The following RNF111 variants were observed in gnomAD, a reference collection of about 807,000 sequenced individuals.
The protein encoded by RNF111 is ring finger protein 111.
In RNF111, 17 loss-of-function variants were observed where a neutral mutation model predicts 95.1. The observed-to-expected ratio is 0.18, with a 90% CI of 0.12 to 0.27. RNF111 has a LOEUF of 0.27. Ranked by LOEUF, RNF111 falls within the 10% of genes least tolerant of loss-of-function variation. The pLI is 1.00. For missense variants in RNF111, 1,189 were observed against 1,210.4 expected, an observed-to-expected ratio of 0.98 and a Z score of 0.26; for synonymous variants, 440 against 414.8, an observed-to-expected ratio of 1.06 and a Z score of -0.74.
At chr15:59,013,572 A>G (rs2039928240) in intron 1 of RNF111, among the ~76,000 whole-genome samples, 1 of 152,166 alleles carries the variant, frequency 6.6e-6, no homozygotes, top group African/African-American at 2.4e-5. Flanking sequence ...TGGTGTCAAC[A>G]TGACTTAGCA....
At chr15:59,005,433 A>G (rs1276125099) in intron 1 of RNF111, among the ~76,000 whole-genome samples, 6 of 152,220 alleles carry the variant, frequency 3.9e-5, no homozygotes, top group Admixed American at 2.6e-4. Context: ...ACTTCATTCA[A>G]AGAGAAATTG....
intron 1 of RNF111, among the ~76,000 whole-genome samples, chr15:59,023,128 A>G (rs149387328): frequency 1.5e-3 from 224 of 152,246 alleles, no homozygotes; most frequent in African/African-American, 5.3e-3. Flanking sequence ...CGTGTCTGTA[A>G]TCCCAGCTAC....
intron 3 of RNF111, among the ~76,000 whole-genome samples, chr15:59,054,355 GT>G (rs1460044071): frequency 6.6e-6 from 1 of 152,044 alleles, no homozygotes. Context: ...ATACATTCAT[GT>G]TTTTTTGCAG....
intron 1 of RNF111, among the ~76,000 whole-genome samples, chr15:59,023,614 A>G (rs2040455447): frequency 6.6e-6 from 1 of 152,154 alleles, no homozygotes; most frequent in South Asian, 2.1e-4. Context: ...CTCATTTGTC[A>G]GTGTCATCTG....
chr15:59,045,812 A>G (rs559300215), intron 2 of RNF111, among the ~76,000 whole-genome samples: 1 of 152,344 alleles, frequency 6.6e-6, no homozygotes, highest in African/African-American at 2.4e-5. Context: ...CTTCTACCTT[A>G]AGCTGCATTG....
chr15:59,048,208 A>T (rs1470247743), intron 2 of RNF111, among the ~76,000 whole-genome samples: 2 of 152,228 alleles, frequency 1.3e-5, no homozygotes, highest in Non-Finnish European at 2.9e-5. Context: ...CAAAACCCAA[A>T]TGTCCATCAG....
chr15:59,045,669 A>G (rs548791602), intron 2 of RNF111, among the ~76,000 whole-genome samples: 52 of 152,318 alleles, frequency 3.4e-4, no homozygotes, highest in African/African-American at 1.2e-3. Context: ...TCGTTGATAC[A>G]TAATGCTTTT....
At chr15:59,005,195 C>G (rs2039484729) in intron 1 of RNF111, among the ~76,000 whole-genome samples, 1 of 152,100 alleles carries the variant, frequency 6.6e-6, no homozygotes, top group African/African-American at 2.4e-5. Context: ...TTAGTACATA[C>G]TGTTTGTTTA....
chr15:58,998,808 G>A (rs181724478), intron 1 of RNF111, among the ~76,000 whole-genome samples: 1 of 152,294 alleles, frequency 6.6e-6, no homozygotes, highest in Admixed American at 6.5e-5. Context: ...GATTGGTTGT[G>A]TTATTAACAA....
In RNF111 at chr15:59,042,468, A is replaced by G. The variant is rs2041513164; in HGVS notation, c.881-9837A>G. 2.6e-5 allele frequency among the ~76,000 whole-genome samples: 4 copies of G among 152,262 alleles called. 1 individual carries two copies. In the South Asian group the frequency reaches 8.3e-4, roughly 32 times the overall value. ...GTCATATTTATCAACTTTTATTCTTACTGCTTCTGGATTTTGAATCATAAT... is the reference window on the plus strand; with the variant it reads ...GTCATATTTATCAACTTTTATTCTTGCTGCTTCTGGATTTTGAATCATAAT... On this transcript the variant is annotated intron_variant, in intron 2 of 13. Coordinates refer to ENST00000348370, the MANE Select transcript of RNF111 (RefSeq NM_017610.8).
intron 1 of RNF111, among the ~76,000 whole-genome samples, chr15:58,989,724 A>G (rs769862737): frequency 3.3e-5 from 5 of 152,134 alleles, no homozygotes; most frequent in Non-Finnish European, 7.4e-5. Flanking sequence ...ATTGAGAGAG[A>G]GCTGTTGTGA....
chr15:59,009,533 C>T (rs1390564031), intron 1 of RNF111, among the ~76,000 whole-genome samples: 2 of 149,050 alleles, frequency 1.3e-5, no homozygotes. Flanking sequence ...TTGATAATTT[C>T]AGATCAGAAA....
intron 5 of RNF111, chr15:59,058,797 C>T: frequency 2.4e-6 from 1 of 411,278 alleles, no homozygotes; most frequent in Non-Finnish European, 4.4e-6. Flanking sequence ...AAATGGCTGA[C>T]ACCAAAAGCA....
At chr15:59,035,065 A>C (rs2041107276) in intron 2 of RNF111, among the ~76,000 whole-genome samples, 1 of 152,212 alleles carries the variant, frequency 6.6e-6, no homozygotes, top group African/African-American at 2.4e-5. Context: ...CACGTCTTAC[A>C]TGGCAGCAGG....
intron 2 of RNF111, among the ~76,000 whole-genome samples, chr15:59,042,929 T>C (rs559660139): frequency 9.2e-5 from 14 of 152,290 alleles, no homozygotes; most frequent in African/African-American, 3.1e-4. Flanking sequence ...TCTATGATGG[T>C]ATTTTTATTG....
intron 2 of RNF111, among the ~76,000 whole-genome samples, chr15:59,032,889 A>ACTCT (rs141592141): frequency 9.4e-5 from 14 of 149,228 alleles, no homozygotes; most frequent in Non-Finnish European, 1.3e-4. Context: ...ATGCGTGCTG[A>ACTCT]CTCTCTCTCT....
At chr15:59,080,230 C>T (rs181960531) in intron 7 of RNF111, among the ~76,000 whole-genome samples, 18 of 149,016 alleles carry the variant, frequency 1.2e-4, no homozygotes, top group Non-Finnish European at 2.2e-4. Flanking sequence ...AAGCGATTCT[C>T]CTGCCTCAGC....
At chr15:59,072,112 T>C (rs2042953730) in intron 6 of RNF111, among the ~76,000 whole-genome samples, 1 of 152,230 alleles carries the variant, frequency 6.6e-6, no homozygotes, top group African/African-American at 2.4e-5. Context: ...AGCAATCCTC[T>C]GAGACTTCAG....
intron 1 of RNF111, among the ~76,000 whole-genome samples, chr15:59,004,783 T>C (rs1361189825): frequency 6.6e-6 from 1 of 152,178 alleles, no homozygotes; most frequent in Non-Finnish European, 1.5e-5. Context: ...CCTCCACTAT[T>C]GGAATAAATC....
Sources: gnomAD v4.1 joint callset for allele counts (sites outside exome capture counted in the v4.1 genomes callset) on GRCh38, gnomAD v4.1.1 for gene constraint, MANE v1.5 for transcripts, NCBI Gene and HGNC (gene_info 2026-07-23, HGNC 2026-07-21) for gene names.